Variants in ADGRV1 observed in about 807,000 individuals in gnomAD.
ADGRV1 encodes G-protein coupled receptor 98.
In ADGRV1, 359 loss-of-function variants were observed where a neutral mutation model predicts 596.2. The ratio of observed to expected loss-of-function variants is 0.60; its 90% confidence interval spans 0.55 to 0.66. The LOEUF (loss-of-function observed/expected upper bound fraction) is 0.66, where lower values mean the gene tolerates loss of function less well. Among genes scored for constraint, ADGRV1 ranks in the 30% least tolerant of loss-of-function variants. The probability of loss-of-function intolerance (pLI) is 0.00; values close to 1 mark genes in which losing one functional copy is unlikely to be tolerated. For missense variants in ADGRV1, 7,274 were observed against 7,575.6 expected, an observed-to-expected ratio of 0.96 and a Z score of 1.48; for synonymous variants, 2,681 against 2,679.2, an observed-to-expected ratio of 1.00 and a Z score of -0.02.
chr5:90,674,046 A>G lies in ADGRV1; in HGVS notation c.4930-8A>G. The G allele has an allele frequency of 6.3e-7, 1 of 1,594,688 alleles. No homozygotes were observed. Among genetic ancestry groups the G allele is most frequent in the Non-Finnish European group, 8.6e-7 (1 of 1,166,038 alleles). Reference sequence around the variant, plus strand: ...TTGCTTAGTGCCTCTGGATATTTATATTTTTAGGTTCTGAATATATATGTT... The same window carrying G: ...TTGCTTAGTGCCTCTGGATATTTATGTTTTTAGGTTCTGAATATATATGTT... On this transcript the variant is annotated splice_region_variant and splice_polypyrimidine_tract_variant and intron_variant, in intron 22 of 89. Transcript: ENST00000405460.
chr5:90,703,256 T>A (rs745848791), intron 34 of ADGRV1, among the ~76,000 whole-genome samples: 1 of 152,052 alleles, frequency 6.6e-6, no homozygotes, highest in Non-Finnish European at 1.5e-5. Flanking sequence ...TTGTGTAAAA[T>A]CACATTGCAT....
intron 6 of ADGRV1, chr5:90,626,039 A>G (rs997316686): frequency 1.3e-5 from 2 of 152,212 alleles, no homozygotes; most frequent in Admixed American, 6.5e-5. Context: ...ATGTGCAAGG[A>G]TGTCCCCCAC....
At chr5:90,949,665 TTGCATAACAGAG>T (rs1029958832) in intron 83 of ADGRV1, among the ~76,000 whole-genome samples, 1 of 152,208 alleles carries the variant, frequency 6.6e-6, no homozygotes, top group African/African-American at 2.4e-5. Context: ...TAGGGGCTTT[TTGCATAACAGAG>T]TGCCCTTGCA....
At chr5:91,010,581 A>G (rs1176688149) in intron 85 of ADGRV1, among the ~76,000 whole-genome samples, 1 of 152,070 alleles carries the variant, frequency 6.6e-6, no homozygotes, top group East Asian at 1.9e-4. Flanking sequence ...TATTAAACCC[A>G]CCAGGAAATG....
intron 85 of ADGRV1, among the ~76,000 whole-genome samples, chr5:91,050,943 G>A (rs1786265753): frequency 1.3e-5 from 2 of 152,218 alleles, no homozygotes; most frequent in Non-Finnish European, 2.9e-5. Context: ...AGGACTTTTT[G>A]CAGCTGCGGT....
intron 84 of ADGRV1, among the ~76,000 whole-genome samples, chr5:90,969,727 A>G (rs1778782868): frequency 6.6e-6 from 1 of 152,196 alleles, no homozygotes; most frequent in East Asian, 1.9e-4. Context: ...TTCTCCCTTA[A>G]GAAGGCAGGG....
chr5:90,883,912 T>C (rs1770034410), intron 83 of ADGRV1, among the ~76,000 whole-genome samples: 1 of 152,126 alleles, frequency 6.6e-6, no homozygotes, highest in South Asian at 2.1e-4. Context: ...CGAGTTCTCT[T>C]CTCCTCCTTG....
intron 68 of ADGRV1, 61 bp downstream of exon 68, chr5:90,788,371 T>A: frequency 7.0e-7 from 1 of 1,423,574 alleles, no homozygotes; most frequent in Non-Finnish European, 9.5e-7. Flanking sequence ...AGAAAATACA[T>A]TTACATTTGT....
intron 4 of ADGRV1, among the ~76,000 whole-genome samples, chr5:90,621,855 T>C (rs890334002): frequency 1.3e-5 from 2 of 152,194 alleles, no homozygotes; most frequent in African/African-American, 4.8e-5. Flanking sequence ...AATAGCAACA[T>C]TTACTGTGCC....
chr5:90,644,964 A>G, intron 15 of ADGRV1, 95 bp downstream of exon 15: 2 of 939,244 alleles, frequency 2.1e-6, no homozygotes, highest in Non-Finnish European at 3.0e-6. Context: ...ATATTTTGTG[A>G]TAAAAGTTTG....
chr5:90,725,850 C>G (rs562271336), intron 48 of ADGRV1, among the ~76,000 whole-genome samples, 194 bp downstream of exon 48: 2 of 152,210 alleles, frequency 1.3e-5, no homozygotes, highest in South Asian at 4.1e-4. Flanking sequence ...GTTATATTAT[C>G]TTCAAGAGCC....
chr5:90,955,389 G>A (rs1777388436), intron 83 of ADGRV1, among the ~76,000 whole-genome samples: 2 of 151,878 alleles, frequency 1.3e-5, no homozygotes, highest in South Asian at 4.2e-4. Context: ...TATACTTCTG[G>A]CCTGCTGCCC....
chr5:90,561,541 A>G (rs1048169879), intron 1 of ADGRV1, among the ~76,000 whole-genome samples: 9 of 152,334 alleles, frequency 5.9e-5, no homozygotes, highest in South Asian at 2.1e-4. Context: ...GGTTGCCCCA[A>G]TTAGGATGCA....
At chr5:90,598,890 A>T (rs918251838) in intron 1 of ADGRV1, among the ~76,000 whole-genome samples, 1 of 152,200 alleles carries the variant, frequency 6.6e-6, no homozygotes, top group African/African-American at 2.4e-5. Context: ...TCGTTACATC[A>T]CAGCTATAAG....
At chr5:90,765,428 ACC>A (rs1757000819) in intron 59 of ADGRV1, among the ~76,000 whole-genome samples, 1 of 122,800 alleles carries the variant, frequency 8.1e-6, no homozygotes, top group South Asian at 2.8e-4. Context: ...AAAATCACAG[ACC>A]ACACACACAC....
intron 1 of ADGRV1, among the ~76,000 whole-genome samples, chr5:90,581,749 C>T (rs545672231): frequency 9.2e-5 from 14 of 152,288 alleles, no homozygotes; most frequent in African/African-American, 2.4e-4. Context: ...GCTCAAATGC[C>T]GTGCTGGGTG....
In ADGRV1 at chr5:90,647,498, A is replaced by C; in HGVS notation, c.3023A>C (p.Glu1008Ala). The C allele has an allele frequency of 3.1e-6, 5 of 1,603,042 alleles. No individual in the cohort carries two copies. The highest frequency in any genetic ancestry group is 4.3e-6 in the Non-Finnish European group (5 of 1,174,516). The change falls in exon 17 of 90, where the codon GAA (glutamate) becomes GCA (alanine). Residue 1008 changes from glutamate to alanine, a missense_variant and splice_region_variant. Glu to Ala is a moderately radical substitution (Grantham distance 107). Around this residue, in one of 5 missense-constraint regions of ADGRV1, gnomAD observed 1,715 missense variants for 1,708.8 expected, o/e 1.00. Transcript: ENST00000405460. ...TGTTCTTTCTTTGTGGATATTTCAG[A>C]ACCTCGTGTAGTGAGGGTTCAGGAA... ...RRNDDPIYFA[E>A]PRVVRVQEGE...
intron 83 of ADGRV1, among the ~76,000 whole-genome samples, chr5:90,926,846 T>C (rs1774532306): frequency 1.3e-5 from 2 of 151,900 alleles, no homozygotes; most frequent in Admixed American, 6.6e-5. Flanking sequence ...TTTGTTCTCA[T>C]TGGTTTCAAA....
chr5:90,697,958 G>A (rs911071834), intron 34 of ADGRV1, among the ~76,000 whole-genome samples: 1 of 151,536 alleles, frequency 6.6e-6, no homozygotes, highest in Non-Finnish European at 1.5e-5. Flanking sequence ...GAGACATAGA[G>A]AGATTAAAAG....
Sources: gnomAD v4.1 joint callset for allele counts (sites outside exome capture counted in the v4.1 genomes callset) on GRCh38, gnomAD v4.1.1 for gene constraint, gnomAD v4.1.1 regional missense constraint, MANE v1.5 for transcripts, NCBI Gene and HGNC (gene_info 2026-07-23, HGNC 2026-07-21) for gene names.